Variants in SRP54 observed in about 807,000 individuals in gnomAD.
SRP54 encodes signal recognition particle subunit SRP54.
SRP54 carries 10 observed loss-of-function variants against 64.8 expected under a neutral mutation model. That is an observed-to-expected ratio of 0.15 (90% CI 0.10 to 0.26). The LOEUF (loss-of-function observed/expected upper bound fraction) is 0.26. Ranked by LOEUF, SRP54 falls within the 10% of genes least tolerant of loss-of-function variation. The pLI is 1.00. For synonymous variants in SRP54, 193 were observed against 185.6 expected (o/e 1.04, Z -0.32); for missense variants, 325 against 613.7 (o/e 0.53, Z 4.97).
At chr14:35,005,544 C>T (rs1281461789) in intron 4 of SRP54, among the ~76,000 whole-genome samples, 2 of 151,980 alleles carry the variant, frequency 1.3e-5, no homozygotes, top group Non-Finnish European at 2.9e-5. Flanking sequence ...ACCACAGGTG[C>T]GTGCCACCAC....
intron 1 of SRP54, among the ~76,000 whole-genome samples, chr14:34,995,081 C>G (rs187125234): frequency 1.7e-3 from 233 of 138,086 alleles, no homozygotes; most frequent in African/African-American, 6.1e-3. Context: ...TGTACCTGGC[C>G]TTTTTTTTCC....
At chr14:34,988,597 C>CATATATATATATATAA (rs1207004558) in intron 1 of SRP54, among the ~76,000 whole-genome samples, 2 of 77,964 alleles carry the variant, frequency 2.6e-5, no homozygotes, top group African/African-American at 7.7e-5. Context: ...ATATATATAA[C>CATATATATATATATAA]ATATATATAT....
intron 7 of SRP54, among the ~76,000 whole-genome samples, 184 bp from the exon 8 acceptor site, chr14:35,011,325 G>C (rs1356285789): frequency 6.6e-6 from 1 of 152,168 alleles, no homozygotes; most frequent in Non-Finnish European, 1.5e-5. Flanking sequence ...TGGAAAATTG[G>C]ATAATGCTTC....
chr14:34,983,255 G>C (rs2043835251), intron 1 of SRP54, 40 bp downstream of exon 1: 1 of 152,384 alleles, frequency 6.6e-6, no homozygotes, highest in South Asian at 2.1e-4. Context: ...TACGGAGGGG[G>C]AGCGAGGGGC....
chr14:34,988,599 T>TATATATATATAAC (rs1195295943), intron 1 of SRP54, among the ~76,000 whole-genome samples: 137 of 103,326 alleles, frequency 1.3e-3, no homozygotes, highest in Non-Finnish European at 2.4e-3. Flanking sequence ...ATATATAACA[T>TATATATATATAAC]ATATATATAT....
intron 7 of SRP54, among the ~76,000 whole-genome samples, chr14:35,009,588 T>G (rs563147959): frequency 1.6e-4 from 25 of 152,274 alleles, no homozygotes; most frequent in Admixed American, 1.3e-3. Flanking sequence ...TAAACTTTTA[T>G]GGAAGAGATT....
At chr14:35,017,935 A>G (rs2044469239) in intron 11 of SRP54, among the ~76,000 whole-genome samples, 1 of 152,232 alleles carries the variant, frequency 6.6e-6, no homozygotes, top group East Asian at 1.9e-4. Context: ...AGCCTGGGCA[A>G]TGTAGTGAGA....
At chr14:35,016,304 G>T (rs139801340) in intron 11 of SRP54, among the ~76,000 whole-genome samples, 232 of 152,194 alleles carry the variant, frequency 1.5e-3, no homozygotes, top group African/African-American at 5.3e-3. Context: ...TTCTTTAGTG[G>T]CTTTCTCTTG....
chr14:35,019,768 G>A (rs2044495834), intron 13 of SRP54, among the ~76,000 whole-genome samples: 1 of 152,210 alleles, frequency 6.6e-6, no homozygotes. Flanking sequence ...CAGTCATACA[G>A]ATTGTTTTGG....
intron 14 of SRP54, 107 bp from the exon 15 acceptor site, chr14:35,027,981 T>G: frequency 1.8e-6 from 1 of 558,784 alleles, no homozygotes. Flanking sequence ...GATTATGTAA[T>G]TTTTTCTTAG....
Position 35,029,142 on chromosome 14 carries a change from A to G in SRP54, c.1505A>G (p.Asn502Ser), listed in dbSNP as rs2044682794. The change falls in exon 16 of 16, where the codon AAT becomes AGT. Residue 502 changes from asparagine (N) to serine (S), a missense_variant. Transcript: ENST00000216774. ...AGNMKGMMGF[N>S]NM ...AACATGAAAGGCATGATGGGATTCA[A>G]TAATATGTAAAGAAAATGCCTTAAT... The G allele has an allele frequency of 1.2e-6, 2 of 1,613,668 alleles. No homozygotes were observed.
At chr14:35,001,351 A>G (rs921343277) in intron 4 of SRP54, among the ~76,000 whole-genome samples, 11 of 151,990 alleles carry the variant, frequency 7.2e-5, no homozygotes, top group African/African-American at 2.4e-4. Flanking sequence ...GGGTTTCTCT[A>G]TGTGGGTCAG....
chr14:34,998,071 A>G (rs1197545095), intron 2 of SRP54, among the ~76,000 whole-genome samples: 2 of 152,142 alleles, frequency 1.3e-5, no homozygotes, highest in African/African-American at 2.4e-5. Flanking sequence ...CCCTCTAGTG[A>G]AAGATCAGTT....
chr14:34,996,248 A>C (rs2044072027), intron 1 of SRP54, among the ~76,000 whole-genome samples: 1 of 152,152 alleles, frequency 6.6e-6, no homozygotes, highest in Non-Finnish European at 1.5e-5. Context: ...TAGGAGCAAG[A>C]ATCAAAATAG....
chr14:35,013,025 C>G (rs865966136), intron 8 of SRP54, among the ~76,000 whole-genome samples: 1 of 144,946 alleles, frequency 6.9e-6, no homozygotes. Context: ...CTGACTGCAA[C>G]CTCTGCCTCC....
chr14:35,022,999 G>T lies in SRP54; in HGVS notation c.1246G>T (p.Asp416Tyr), dbSNP rs770936481. Residue 416 changes from aspartate (D) to tyrosine (Y), a missense_variant, in exon 14 of 16, where the codon GAT becomes TAT. Transcript: ENST00000216774. ...VARGSGVSTR[D>Y]VQELLTQYTK... ...AAGAGGATCGGGTGTATCAACAAGAGATGTTCAAGAACTTTTGACACAATA... is the reference window on the plus strand; with the variant it reads ...AAGAGGATCGGGTGTATCAACAAGATATGTTCAAGAACTTTTGACACAATA... 1.2e-6 allele frequency: 2 copies of T among 1,613,948 alleles called. No individual in the cohort carries two copies. Among genetic ancestry groups the T allele is most frequent in the Non-Finnish European group, 1.7e-6 (2 of 1,179,936 alleles).
intron 14 of SRP54, among the ~76,000 whole-genome samples, chr14:35,023,787 AAC>A (rs57037784): frequency 0.027 from 3,772 of 140,128 alleles, 133 homozygotes; most frequent in African/African-American, 0.08. Context: ...CCGGTCCCCA[AAC>A]ACACACACAC....
intron 8 of SRP54, 128 bp from the exon 9 acceptor site, chr14:35,013,218 G>T: frequency 1.2e-6 from 1 of 843,616 alleles, no homozygotes; most frequent in Non-Finnish European, 1.8e-6. Flanking sequence ...GCCTCCCAAA[G>T]TGCTGGGATT....
At chr14:35,014,913 T>C in intron 11 of SRP54, 83 bp downstream of exon 11, 1 of 981,448 alleles carries the variant, frequency 1.0e-6, no homozygotes, top group Non-Finnish European at 1.6e-6. Context: ...TTATTTGAAA[T>C]GTAATATCTG....
Sources: gnomAD v4.1 joint callset for allele counts (sites outside exome capture counted in the v4.1 genomes callset) on GRCh38, gnomAD v4.1.1 for gene constraint, MANE v1.5 for transcripts, NCBI Gene and HGNC (gene_info 2026-07-23, HGNC 2026-07-21) for gene names.